TMCC1: variants seen among roughly 807,000 people sequenced by gnomAD.
The protein encoded by TMCC1 is transmembrane and coiled-coil domains protein 1.
A neutral mutation model predicts 52.4 loss-of-function variants in TMCC1; 15 were observed. That is an observed-to-expected ratio of 0.29 (90% CI 0.19 to 0.44). TMCC1 has a LOEUF of 0.44. Among genes scored for constraint, TMCC1 ranks in the 20% least tolerant of loss-of-function variants. TMCC1 has a pLI of 1.00. For synonymous variants in TMCC1, 279 were observed against 301.9 expected (o/e 0.92, Z 0.79); for missense variants, 503 against 806.0 (o/e 0.62, Z 4.55).
intron 4 of TMCC1, among the ~76,000 whole-genome samples, chr3:129,688,989 C>A (rs1438118820): frequency 1.3e-5 from 2 of 152,170 alleles, no homozygotes; most frequent in African/African-American, 4.8e-5. Flanking sequence ...AAAAAGCAAT[C>A]TACCTATGTT....
intron 4 of TMCC1, among the ~76,000 whole-genome samples, chr3:129,714,425 A>T (rs190734594): frequency 6.6e-6 from 1 of 152,268 alleles, no homozygotes; most frequent in East Asian, 1.9e-4. Context: ...TTAAAATGAG[A>T]TCATATTTTC....
In TMCC1 at chr3:129,716,162, CTTTG is replaced by C. The variant is rs1553842606; in HGVS notation, c.577-44902_577-44899del. 1.3e-3 allele frequency among the ~76,000 whole-genome samples: 24 copies of C among 18,856 alleles called. 5 individuals carry two copies. Among genetic ancestry groups the C allele is most frequent in the East Asian group, 8.7e-3 (4 of 458 alleles). 12.4% of individuals were successfully genotyped at this position (18,856 alleles called of 152,430 possible). The stretch of plus-strand genomic sequence containing the variant: ...GTTTCAGCCACTTTTTTTCTTTTTT[CTTTG>C]TTTTTTTTTTTTTGAGATGGAGTTT... On this transcript the variant is annotated intron_variant, in intron 4 of 6. Coordinates refer to ENST00000393238, the MANE Select transcript of TMCC1 (RefSeq NM_001017395.5).
At chr3:129,885,270 A>G (rs1169252827) in intron 1 of TMCC1, among the ~76,000 whole-genome samples, 1 of 152,154 alleles carries the variant, frequency 6.6e-6, no homozygotes, top group East Asian at 1.9e-4. Context: ...ACTTTTGCCA[A>G]GTCTTCCTGA....
intron 1 of TMCC1, among the ~76,000 whole-genome samples, chr3:129,881,155 G>A (rs961676869): frequency 4.0e-5 from 6 of 151,830 alleles, no homozygotes; most frequent in African/African-American, 9.7e-5. Context: ...AGCCACCTGC[G>A]CCCAGCCTAA....
At chr3:129,854,329 G>A (rs1001232858) in intron 2 of TMCC1, among the ~76,000 whole-genome samples, 6 of 151,428 alleles carry the variant, frequency 4.0e-5, no homozygotes, top group African/African-American at 1.5e-4. Context: ...GAGGCGGAAG[G>A]GTGAGGCAAG....
In TMCC1 at chr3:129,648,676, T is replaced by C. The variant is rs905973627; in HGVS notation, c.*2805A>G. On this transcript the variant is annotated 3_prime_UTR_variant, in exon 7 of 7. Transcript: ENST00000393238. ...AATGTTTCATTTTAAAGGGAATGAA[T>C]ACAGTTTTCTTTTCTTTTTTTTTTA... 7.9e-6 allele frequency: 1 copy of C among 126,768 alleles called. No homozygotes were observed. The highest frequency in any genetic ancestry group is 2.6e-5 in the African/African-American group (1 of 38,700). 7.9% of individuals were successfully genotyped at this position (126,768 alleles called of 1,614,324 possible).
chr3:129,781,246 T>C (rs1485179446), intron 4 of TMCC1, among the ~76,000 whole-genome samples: 2 of 152,190 alleles, frequency 1.3e-5, no homozygotes, highest in African/African-American at 4.8e-5. Context: ...ACAAATACTC[T>C]GTTGGTCAAG....
chr3:129,862,536 A>C (rs2060441570), intron 2 of TMCC1, among the ~76,000 whole-genome samples: 1 of 152,228 alleles, frequency 6.6e-6, no homozygotes. Context: ...AGCTAAAGTA[A>C]GGGATGAGCT....
In TMCC1 at chr3:129,844,502, C is replaced by T. The variant is rs531765137; in HGVS notation, c.-183-11676G>A. ...ATAAATTCTAACAATGCCCAACATT[C>T]GGTGTTTTTTTTCTTACCTTTGTTT... On this transcript the variant is annotated intron_variant, in intron 2 of 6. Coordinates refer to ENST00000393238, the MANE Select transcript of TMCC1 (RefSeq NM_001017395.5). Among the ~76,000 whole-genome samples, 7 of 152,248 alleles carry T rather than the reference C, an allele frequency of 4.6e-5. No homozygotes were observed. In the South Asian group the frequency reaches 1.2e-3, roughly 27 times the overall value.
At chr3:129,730,759 T>C (rs2050477452) in intron 4 of TMCC1, among the ~76,000 whole-genome samples, 1 of 152,242 alleles carries the variant, frequency 6.6e-6, no homozygotes, top group South Asian at 2.1e-4. Flanking sequence ...AAGAACTGTG[T>C]GTACATAAAT....
chr3:129,670,409 C>T lies in TMCC1; in HGVS notation c.1432G>A (p.Glu478Lys). The T allele has an allele frequency of 6.2e-7, 1 of 1,614,168 alleles. No homozygotes were observed. The change falls in exon 5 of 7, where the codon GAA (glutamate) becomes AAA (lysine). Residue 478 changes from glutamate (E) to lysine (K), a missense_variant. Glu to Lys is a moderately conservative substitution (Grantham distance 56). This residue lies in a region of TMCC1 where 121 missense variants were observed against 193.6 expected (regional missense o/e 0.62). Transcript: ENST00000393238. ...EIRETQARLE[E>K]SFETLKEHYQ... ...TGTTCCTTGAGAGTCTCAAAGGATT[C>T]CTCTAGTCTGGCCTGGGTTTCCCGG... is the stretch of plus-strand genomic sequence containing the variant.
At chr3:129,692,760 T>C (rs1460802025) in intron 4 of TMCC1, among the ~76,000 whole-genome samples, 1 of 152,228 alleles carries the variant, frequency 6.6e-6, no homozygotes, top group African/African-American at 2.4e-5. Context: ...GTAAGTCTTT[T>C]TGTTTTTAAA....
At chr3:129,783,036 C>A (rs543457831) in intron 4 of TMCC1, among the ~76,000 whole-genome samples, 1 of 152,256 alleles carries the variant, frequency 6.6e-6, no homozygotes, top group South Asian at 2.1e-4. Context: ...TTCCTGAAGT[C>A]ACAAAATATA....
chr3:129,808,312 G>A (rs537496240), intron 4 of TMCC1, among the ~76,000 whole-genome samples: 2 of 152,058 alleles, frequency 1.3e-5, no homozygotes, highest in East Asian at 1.9e-4. Flanking sequence ...GTGAAACCTC[G>A]TCTCCACTAA....
intron 4 of TMCC1, among the ~76,000 whole-genome samples, chr3:129,758,921 T>C (rs2053251885): frequency 2.0e-5 from 3 of 152,238 alleles, no homozygotes; most frequent in Non-Finnish European, 4.4e-5. Context: ...GGTATCTTTT[T>C]GTGACTATTT....
chr3:129,741,411 T>C (rs979106171), intron 4 of TMCC1, among the ~76,000 whole-genome samples: 5 of 152,138 alleles, frequency 3.3e-5, no homozygotes, highest in African/African-American at 9.7e-5. Flanking sequence ...AAAGAGAAGA[T>C]TGAGGCTTGC....
intron 4 of TMCC1, among the ~76,000 whole-genome samples, chr3:129,785,070 C>T (rs774930211): frequency 1.1e-4 from 16 of 152,112 alleles, no homozygotes; most frequent in Non-Finnish European, 2.1e-4. Context: ...TAATCCAATA[C>T]AAATATTTGG....
At chr3:129,776,329 T>A (rs6780324) in intron 4 of TMCC1, among the ~76,000 whole-genome samples, 14,017 of 152,250 alleles carry the variant, frequency 0.092, 2,105 homozygotes, top group African/African-American at 0.32. Context: ...GTTTGCTGAA[T>A]TAAATAAATA....
chr3:129,754,847 G>T (rs905552469), intron 4 of TMCC1, among the ~76,000 whole-genome samples: 6 of 152,314 alleles, frequency 3.9e-5, no homozygotes, highest in African/African-American at 1.2e-4. Context: ...GGAGGCTGAG[G>T]TGGGTGGATC....
Sources: gnomAD v4.1 joint callset for allele counts (sites outside exome capture counted in the v4.1 genomes callset) on GRCh38, gnomAD v4.1.1 for gene constraint, gnomAD v4.1.1 regional missense constraint, MANE v1.5 for transcripts, NCBI Gene and HGNC (gene_info 2026-07-23, HGNC 2026-07-21) for gene names.